Variants in GRIA4 observed in about 807,000 individuals in gnomAD.
GRIA4 encodes the protein glutamate ionotropic receptor AMPA type subunit 4.
GRIA4 carries 34 observed loss-of-function variants against 104.0 expected under a neutral mutation model. The observed-to-expected ratio is 0.33, with a 90% CI of 0.25 to 0.44. The LOEUF (loss-of-function observed/expected upper bound fraction) is 0.44, where lower values mean the gene tolerates loss of function less well. Among genes scored for constraint, GRIA4 ranks in the 20% least tolerant of loss-of-function variants. GRIA4 has a pLI of 1.00. For missense variants in GRIA4, 750 were observed against 1,096.5 expected (o/e 0.68, Z 4.46); for synonymous variants, 386 against 381.9 (o/e 1.01, Z -0.13).
intron 4 of GRIA4, among the ~76,000 whole-genome samples, chr11:105,799,941 A>G (rs1027812129): frequency 6.6e-6 from 1 of 152,122 alleles, no homozygotes; most frequent in Non-Finnish European, 1.5e-5. Context: ...CAAAGAACTG[A>G]ATTTAAGCTG....
intron 8 of GRIA4, among the ~76,000 whole-genome samples, chr11:105,904,614 C>A (rs1389010261): frequency 2.6e-5 from 4 of 152,068 alleles, no homozygotes; most frequent in Non-Finnish European, 5.9e-5. Context: ...ATTATACTAA[C>A]ACTATTTGTT....
chr11:105,866,549 GTGTATATA>G (rs1487435651), intron 5 of GRIA4, among the ~76,000 whole-genome samples: 4,763 of 78,142 alleles, frequency 0.061, 318 homozygotes, highest in African/African-American at 0.2. Context: ...GTGTGTGTGT[GTGTATATA>G]TATATATATA....
chr11:105,805,597 G>T (rs1591285257), intron 4 of GRIA4, among the ~76,000 whole-genome samples: 1 of 151,216 alleles, frequency 6.6e-6, no homozygotes, highest in Admixed American at 6.6e-5. Flanking sequence ...CTAAATGACT[G>T]AATTAGCATA....
chr11:105,860,951 T>TCC (rs1945198087), intron 4 of GRIA4, among the ~76,000 whole-genome samples: 1 of 102,886 alleles, frequency 9.7e-6, no homozygotes, highest in African/African-American at 4.8e-5. Flanking sequence ...AGAGCAAGAC[T>TCC]GTCTGAAAAA....
intron 3 of GRIA4, among the ~76,000 whole-genome samples, chr11:105,688,152 A>ATATCTC (rs1309462939): frequency 1.4e-5 from 1 of 70,656 alleles, no homozygotes; most frequent in Non-Finnish European, 3.2e-5. Context: ...ATCTATATCT[A>ATATCTC]TATCTCTATC....
intron 3 of GRIA4, among the ~76,000 whole-genome samples, chr11:105,720,319 G>C (rs1023907614): frequency 2.0e-5 from 3 of 151,982 alleles, no homozygotes; most frequent in African/African-American, 7.2e-5. Context: ...GCAGTTTGCA[G>C]CCTGCCAGGA....
At chr11:105,624,643 T>C (rs1443234739) in intron 3 of GRIA4, among the ~76,000 whole-genome samples, 1 of 152,114 alleles carries the variant, frequency 6.6e-6, no homozygotes, top group Non-Finnish European at 1.5e-5. Flanking sequence ...CAGTCTTACC[T>C]AGGCAAGTTT....
At chr11:105,686,106 T>C (rs531748984) in intron 3 of GRIA4, among the ~76,000 whole-genome samples, 2 of 152,230 alleles carry the variant, frequency 1.3e-5, no homozygotes, top group East Asian at 3.9e-4. Context: ...GAGGTACATA[T>C]ACATGTTTGT....
chr11:105,653,099 G>C (rs909381152), intron 3 of GRIA4, among the ~76,000 whole-genome samples: 4 of 152,134 alleles, frequency 2.6e-5, no homozygotes, highest in Non-Finnish European at 4.4e-5. Context: ...TTTTAGTAGA[G>C]ACGGGGTTTC....
chr11:105,711,460 C>T (rs1017443062), intron 3 of GRIA4, among the ~76,000 whole-genome samples: 7 of 151,884 alleles, frequency 4.6e-5, no homozygotes, highest in Non-Finnish European at 1.0e-4. Context: ...AAAAATTATT[C>T]CTTCATATGA....
At chr11:105,747,045 C>T (rs1427778626) in intron 3 of GRIA4, among the ~76,000 whole-genome samples, 1 of 152,136 alleles carries the variant, frequency 6.6e-6, no homozygotes, top group Non-Finnish European at 1.5e-5. Context: ...GTAACATACT[C>T]CCATAAGAAT....
chr11:105,630,313 C>A (rs1005508693), intron 3 of GRIA4, among the ~76,000 whole-genome samples: 1 of 152,186 alleles, frequency 6.6e-6, no homozygotes, highest in Non-Finnish European at 1.5e-5. Context: ...TGCCTGTAAT[C>A]CCAGCACTTT....
chr11:105,883,371 G>A (rs1029361760), intron 5 of GRIA4, among the ~76,000 whole-genome samples: 2 of 150,832 alleles, frequency 1.3e-5, no homozygotes, highest in African/African-American at 2.4e-5. Flanking sequence ...TTGGTGTGCT[G>A]CACCCATTAA....
chr11:105,899,637 T>C (rs1946786783), intron 7 of GRIA4, among the ~76,000 whole-genome samples: 1 of 152,204 alleles, frequency 6.6e-6, no homozygotes, highest in Non-Finnish European at 1.5e-5. Context: ...CTATAAAGTC[T>C]CTTTAAATAC....
chr11:105,711,770 A>G (rs1591119846), intron 3 of GRIA4, among the ~76,000 whole-genome samples: 1 of 152,132 alleles, frequency 6.6e-6, no homozygotes. Flanking sequence ...CATCATTTTT[A>G]AAGTGTGGCA....
chr11:105,639,445 T>C (rs961189768), intron 3 of GRIA4, among the ~76,000 whole-genome samples: 3 of 152,000 alleles, frequency 2.0e-5, no homozygotes, highest in Admixed American at 6.6e-5. Flanking sequence ...TTCCTATTCA[T>C]GACTAGAGTC....
At chr11:105,888,750 T>G (rs556911172) in intron 6 of GRIA4, among the ~76,000 whole-genome samples, 1 of 152,098 alleles carries the variant, frequency 6.6e-6, no homozygotes, top group South Asian at 2.1e-4. Context: ...GTGAACTGGG[T>G]TTGGTTGTGG....
At chr11:105,835,313 G>A (rs1359740330) in intron 4 of GRIA4, among the ~76,000 whole-genome samples, 1 of 151,918 alleles carries the variant, frequency 6.6e-6, no homozygotes, top group South Asian at 2.1e-4. Flanking sequence ...CCATTGAATG[G>A]CATAGTCTTT....
intron 4 of GRIA4, among the ~76,000 whole-genome samples, chr11:105,830,256 C>A (rs1367125984): frequency 1.3e-5 from 2 of 151,904 alleles, no homozygotes; most frequent in East Asian, 1.9e-4. Flanking sequence ...AAAATAGGAA[C>A]CATGGACAGG....
Sources: allele counts gnomAD v4.1 joint callset (sites outside exome capture counted in the v4.1 genomes callset), GRCh38; gene constraint gnomAD v4.1.1; transcripts MANE v1.5; gene names NCBI Gene and HGNC (gene_info 2026-07-23, HGNC 2026-07-21).